Variants in TRPC6 observed in about 807,000 individuals in gnomAD.
TRPC6 encodes short transient receptor potential channel 6.
In TRPC6, 55 loss-of-function variants were observed where a neutral mutation model predicts 90.7. The observed-to-expected ratio is 0.61, with a 90% confidence interval of 0.49 to 0.76. The LOEUF (loss-of-function observed/expected upper bound fraction) is 0.76, where lower values mean the gene tolerates loss of function less well. Among genes scored for constraint, TRPC6 ranks in the 30% least tolerant of loss-of-function variants. TRPC6 has a pLI of 0.00. For missense variants in TRPC6, 989 were observed against 1,122.7 expected (o/e 0.88, Z 1.70); for synonymous variants, 393 against 393.0 (o/e 1.00, Z 0.00).
chr11:101,528,728 A>G (rs1860842959), intron 1 of TRPC6, among the ~76,000 whole-genome samples: 1 of 152,174 alleles, frequency 6.6e-6, no homozygotes, highest in Admixed American at 6.5e-5. Flanking sequence ...AAACATGCTT[A>G]GCAGTATGAG....
chr11:101,530,830 T>C (rs1860896457), intron 1 of TRPC6, among the ~76,000 whole-genome samples: 1 of 152,056 alleles, frequency 6.6e-6, no homozygotes, highest in Non-Finnish European at 1.5e-5. Context: ...AAATAAGATA[T>C]TTAATAAATA....
chr11:101,537,898 T>G (rs899241560), intron 1 of TRPC6, among the ~76,000 whole-genome samples: 5 of 152,208 alleles, frequency 3.3e-5, no homozygotes, highest in Non-Finnish European at 5.9e-5. Context: ...TCATTTGGGT[T>G]GATATTATTA....
At chr11:101,577,476 T>C (rs1862094699) in intron 1 of TRPC6, among the ~76,000 whole-genome samples, 1 of 152,172 alleles carries the variant, frequency 6.6e-6, no homozygotes, top group Non-Finnish European at 1.5e-5. Context: ...AGTAGACATA[T>C]CTAATGTCAA....
chr11:101,513,075 T>C (rs1433882887), intron 1 of TRPC6, among the ~76,000 whole-genome samples: 1 of 152,180 alleles, frequency 6.6e-6, no homozygotes. Context: ...GAGGGAACAG[T>C]TACCAGAACA....
chr11:101,496,021 A>AGGC (rs1404634250), intron 2 of TRPC6, among the ~76,000 whole-genome samples: 6 of 152,078 alleles, frequency 3.9e-5, no homozygotes, highest in African/African-American at 1.4e-4. Context: ...GGCCTCAGGA[A>AGGC]ACTTACAATC....
chr11:101,581,570 C>T (rs1159088565), intron 1 of TRPC6, among the ~76,000 whole-genome samples: 1 of 152,142 alleles, frequency 6.6e-6, no homozygotes, highest in African/African-American at 2.4e-5. Context: ...CCTAGTTTAG[C>T]CAGGAGGTAA....
intron 1 of TRPC6, among the ~76,000 whole-genome samples, chr11:101,558,181 AT>A (rs1861604898): frequency 6.9e-6 from 1 of 145,336 alleles, no homozygotes; most frequent in South Asian, 2.2e-4. Flanking sequence ...ACAAATATAT[AT>A]AAACATACAT....
chr11:101,561,193 T>C (rs1032199860), intron 1 of TRPC6, among the ~76,000 whole-genome samples: 17 of 152,106 alleles, frequency 1.1e-4, no homozygotes, highest in African/African-American at 4.1e-4. Flanking sequence ...GTTTGAGGGT[T>C]ATGGGACTTT....
chr11:101,470,130 C>T (rs984075018), intron 9 of TRPC6, among the ~76,000 whole-genome samples: 4 of 152,230 alleles, frequency 2.6e-5, no homozygotes, highest in Non-Finnish European at 4.4e-5. Flanking sequence ...TACATTCCCA[C>T]TGTCAGCCAT....
At chr11:101,562,878 G>A (rs1320831579) in intron 1 of TRPC6, among the ~76,000 whole-genome samples, 1 of 152,130 alleles carries the variant, frequency 6.6e-6, no homozygotes, top group Non-Finnish European at 1.5e-5. Flanking sequence ...GCAAAATGGA[G>A]AAAATAATAG....
In TRPC6 at chr11:101,491,833, A is replaced by ATTTTTTTTTT. The variant is rs200869151; in HGVS notation, c.946-96_946-95insAAAAAAAAAA. On this transcript the variant is annotated intron_variant, in intron 2 of 12. Transcript: ENST00000344327. ...AAGGATTTTATACTTTAAGAGAAAC[A>ATTTTTTTTTT]TTCTTTTTTTTTTTTTTTTTTTTTT... 19 of 782,358 alleles carry ATTTTTTTTTT rather than the reference A, an allele frequency of 2.4e-5. No homozygotes were observed. The African/African-American group carries it at 3.0e-4, about 12-fold the overall frequency. The allele number at this position is 782,358 out of a possible 1,614,324, so 48.5% of individuals were successfully genotyped here. A position where few individuals can be genotyped will look rare whatever the true frequency, so the allele number is the denominator to read the frequency against.
intron 1 of TRPC6, 58 bp downstream of exon 1, chr11:101,583,276 C>T (rs954845785): frequency 6.5e-7 from 1 of 1,527,534 alleles, no homozygotes; most frequent in Non-Finnish European, 8.8e-7. Context: ...CTCCTGCGAG[C>T]GCACAACCTC....
intron 1 of TRPC6, among the ~76,000 whole-genome samples, chr11:101,580,802 G>T (rs959503066): frequency 3.9e-5 from 6 of 152,096 alleles, no homozygotes; most frequent in African/African-American, 1.4e-4. Context: ...AAATGTACTA[G>T]TGATTGCCAC....
chr11:101,525,766 A>C (rs145077857), intron 1 of TRPC6, among the ~76,000 whole-genome samples: 1 of 152,348 alleles, frequency 6.6e-6, no homozygotes, highest in Non-Finnish European at 1.5e-5. Flanking sequence ...TTTGTACTTT[A>C]TCCTGAGCAT....
At chr11:101,534,411 C>T (rs1480329273) in intron 1 of TRPC6, among the ~76,000 whole-genome samples, 1 of 152,174 alleles carries the variant, frequency 6.6e-6, no homozygotes, top group Non-Finnish European at 1.5e-5. Flanking sequence ...GCTGGGATTA[C>T]AGGCATTAGC....
chr11:101,490,515 G>A (rs971513911), intron 3 of TRPC6, among the ~76,000 whole-genome samples: 2 of 152,154 alleles, frequency 1.3e-5, no homozygotes, highest in Admixed American at 1.3e-4. Flanking sequence ...TGGAGTGCAG[G>A]AAATGATCTT....
intron 1 of TRPC6, among the ~76,000 whole-genome samples, chr11:101,557,171 G>A (rs1033090843): frequency 1.2e-4 from 18 of 151,992 alleles, no homozygotes; most frequent in Middle Eastern, 6.8e-3. Flanking sequence ...CCTGGTCAAC[G>A]TGGTGAAACC....
intron 1 of TRPC6, among the ~76,000 whole-genome samples, chr11:101,567,747 C>A (rs1173878751): frequency 6.6e-6 from 1 of 152,212 alleles, no homozygotes; most frequent in African/African-American, 2.4e-5. Flanking sequence ...GGACCTCCAG[C>A]ACATTCCAGC....
Position 101,546,050 on chromosome 11 carries a change from C to CTTTTTTTTTTTTTTTTT in TRPC6, c.170+37267_170+37283dup, listed in dbSNP as rs1166182552. On this transcript the variant is annotated intron_variant, in intron 1 of 12. Transcript: ENST00000344327. ...TGGATCTAGTATCACATTTATAACTCTTTTTTTTTTTTTTTTTTTTTTTTT... is the reference window on the plus strand; with the variant it reads ...TGGATCTAGTATCACATTTATAACTCTTTTTTTTTTTTTTTTTTTTTTTTTTTTTTTTTTTTTTTTTT... 2.0e-4 allele frequency among the ~76,000 whole-genome samples: 6 copies of CTTTTTTTTTTTTTTTTT among 29,724 alleles called. 3 individuals carry two copies. Among genetic ancestry groups the CTTTTTTTTTTTTTTTTT allele is most frequent in the Non-Finnish European group, 3.7e-4 (6 of 16,050 alleles). 19.5% of individuals were successfully genotyped at this position (29,724 alleles called of 152,430 possible). A position where few individuals can be genotyped will look rare whatever the true frequency, so the allele number is the denominator to read the frequency against.
Sources: allele counts gnomAD v4.1 joint callset (sites outside exome capture counted in the v4.1 genomes callset), GRCh38; gene constraint gnomAD v4.1.1; transcripts MANE v1.5; gene names NCBI Gene and HGNC (gene_info 2026-07-23, HGNC 2026-07-21).